Variants in MTMR7 observed in about 807,000 individuals in gnomAD.
The protein encoded by MTMR7 is phosphatidylinositol-3-phosphate phosphatase MTMR7.
Under a neutral mutation model 81.2 loss-of-function variants are expected in MTMR7, and 76 were observed. The ratio of observed to expected loss-of-function variants is 0.94; its 90% confidence interval spans 0.78 to 1.13. The LOEUF (loss-of-function observed/expected upper bound fraction) is 1.13, where lower values mean the gene tolerates loss of function less well. Among genes scored for constraint, MTMR7 ranks in the 50% most tolerant of loss-of-function variants. The probability of loss-of-function intolerance (pLI) is 0.00; values close to 1 mark genes in which losing one functional copy is unlikely to be tolerated. For synonymous variants in MTMR7, 372 were observed against 289.8 expected (o/e 1.28, Z -2.88); for missense variants, 1,044 against 820.0 (o/e 1.27, Z -3.34).
At chr8:17,356,081 C>G (rs1288763993) in intron 4 of MTMR7, among the ~76,000 whole-genome samples, 2 of 152,196 alleles carry the variant, frequency 1.3e-5, no homozygotes, top group East Asian at 3.9e-4. Flanking sequence ...CCATTACCAA[C>G]ACCACTCTAG....
intron 1 of MTMR7, among the ~76,000 whole-genome samples, chr8:17,388,655 G>A (rs1406780775): frequency 6.6e-6 from 1 of 152,160 alleles, no homozygotes; most frequent in Non-Finnish European, 1.5e-5. Context: ...AGCTCTTTGG[G>A]AACTATGGGG....
At chr8:17,335,992 G>A (rs924681020) in intron 6 of MTMR7, among the ~76,000 whole-genome samples, 5 of 152,124 alleles carry the variant, frequency 3.3e-5, no homozygotes, top group African/African-American at 1.2e-4. Context: ...GGGTGCAGAG[G>A]AGGGAGAAGA....
chr8:17,391,044 G>C (rs762112089), intron 1 of MTMR7, among the ~76,000 whole-genome samples: 1 of 152,204 alleles, frequency 6.6e-6, no homozygotes, highest in Non-Finnish European at 1.5e-5. Context: ...AGCCATGGGG[G>C]TATCTGGGGA....
intron 7 of MTMR7, among the ~76,000 whole-genome samples, chr8:17,330,814 T>C (rs1280175334): frequency 1.3e-5 from 2 of 152,190 alleles, no homozygotes; most frequent in African/African-American, 4.8e-5. Context: ...GTTATTGCTT[T>C]AAATGTAGGA....
At chr8:17,317,128 A>G (rs757560953) in intron 7 of MTMR7, among the ~76,000 whole-genome samples, 4 of 151,992 alleles carry the variant, frequency 2.6e-5, no homozygotes, top group Non-Finnish European at 5.9e-5. Flanking sequence ...GCTTGCTTAT[A>G]TGTGTGTGTG....
intron 7 of MTMR7, chr8:17,326,598 G>T (rs1437979362): frequency 6.6e-6 from 1 of 151,444 alleles, no homozygotes. Context: ...CAATTTAAAA[G>T]TGTAATACAC....
At chr8:17,341,156 T>C (rs1035372457) in intron 6 of MTMR7, among the ~76,000 whole-genome samples, 1 of 152,202 alleles carries the variant, frequency 6.6e-6, no homozygotes, top group Non-Finnish European at 1.5e-5. Flanking sequence ...AGGGGAAATA[T>C]GAAATGTACT....
At chr8:17,361,516 A>G (rs893171332) in intron 3 of MTMR7, among the ~76,000 whole-genome samples, 62 of 152,348 alleles carry the variant, frequency 4.1e-4, no homozygotes, top group African/African-American at 1.4e-3. Context: ...TTTAGAACAC[A>G]GGGACATCTC....
At chr8:17,325,624 C>A (rs1352923970) in intron 7 of MTMR7, among the ~76,000 whole-genome samples, 1 of 152,198 alleles carries the variant, frequency 6.6e-6, no homozygotes, top group Non-Finnish European at 1.5e-5. Context: ...GGCTCACTTC[C>A]CCTGCTCCAC....
intron 7 of MTMR7, among the ~76,000 whole-genome samples, chr8:17,325,079 G>A (rs1818608268): frequency 6.6e-6 from 1 of 152,044 alleles, no homozygotes; most frequent in Non-Finnish European, 1.5e-5. Context: ...ACTCCATAAA[G>A]ACATGAGGTA....
At chr8:17,337,758 G>A (rs2239877) in intron 6 of MTMR7, among the ~76,000 whole-genome samples, 10,726 of 152,182 alleles carry the variant, frequency 0.07, 721 homozygotes, top group East Asian at 0.31. Context: ...TGGGACTACA[G>A]GCCCATGCCA....
intron 1 of MTMR7, among the ~76,000 whole-genome samples, chr8:17,392,647 C>T (rs962473801): frequency 6.6e-6 from 1 of 152,174 alleles, no homozygotes; most frequent in Admixed American, 6.5e-5. Context: ...TCCTAAAATC[C>T]ATGTGTTTGA....
In MTMR7 at chr8:17,297,780, A is replaced by C. The variant is rs1212266114; in HGVS notation, c.*2082T>G. On this transcript the variant is annotated 3_prime_UTR_variant, in exon 14 of 14. Coordinates refer to ENST00000180173, the MANE Select transcript of MTMR7 (RefSeq NM_004686.5). ...TTAGCCATGCTCTGAAGAATCTGTGAAAGTACAGTAAAGTTTTAATAAGCA... is the reference window on the plus strand; with the variant it reads ...TTAGCCATGCTCTGAAGAATCTGTGCAAGTACAGTAAAGTTTTAATAAGCA... The C allele has an allele frequency of 6.6e-6, 1 of 152,038 alleles. No individual in the cohort carries two copies. The highest frequency in any genetic ancestry group is 1.5e-5 in the Non-Finnish European group (1 of 67,894). The allele number at this position is 152,038 out of a possible 1,614,324, so 9.4% of individuals were successfully genotyped here. A position where few individuals can be genotyped will look rare whatever the true frequency, so the allele number is the denominator to read the frequency against.
intron 5 of MTMR7, among the ~76,000 whole-genome samples, chr8:17,341,769 C>G (rs889050400): frequency 2.6e-5 from 4 of 152,164 alleles, no homozygotes; most frequent in African/African-American, 9.7e-5. Flanking sequence ...TATTCAAAAC[C>G]ATTTAAATAA....
At chr8:17,373,977 G>A (rs892667764) in intron 1 of MTMR7, among the ~76,000 whole-genome samples, 5 of 152,156 alleles carry the variant, frequency 3.3e-5, no homozygotes, top group Non-Finnish European at 2.9e-5. Context: ...TCTACAGAGC[G>A]AGAGAAAACT....
At chr8:17,388,560 A>C (rs1821013605) in intron 1 of MTMR7, among the ~76,000 whole-genome samples, 1 of 152,228 alleles carries the variant, frequency 6.6e-6, no homozygotes, top group African/African-American at 2.4e-5. Context: ...CTTTAACGAT[A>C]TTTCTAAAAT....
chr8:17,330,141 A>T (rs1361113717), intron 7 of MTMR7, among the ~76,000 whole-genome samples: 1 of 152,244 alleles, frequency 6.6e-6, no homozygotes, highest in Non-Finnish European at 1.5e-5. Flanking sequence ...CCTGTTTGTG[A>T]CACTCAGATT....
rs149443961 is a variant in MTMR7 at position 17,408,932 on chromosome 8, C to G, written c.24+4337G>C. On this transcript the variant is annotated intron_variant, in intron 1 of 13. Transcript: ENST00000180173. The stretch of plus-strand genomic sequence containing the variant: ...ACAATATGTAAATATACTAAAACCA[C>G]TGAATTGTGCATTTTAATAAAAATG... Among the ~76,000 whole-genome samples, 1,466 of 152,196 alleles carry G rather than the reference C, an allele frequency of 9.6e-3. 31 individuals carry two copies. Among genetic ancestry groups the G allele is most frequent in the African/African-American group, 0.032 (1,329 of 41,512 alleles).
At chr8:17,303,625 T>C (rs1455766569) in intron 12 of MTMR7, among the ~76,000 whole-genome samples, 1 of 126,314 alleles carries the variant, frequency 7.9e-6, no homozygotes, top group Non-Finnish European at 1.7e-5. Flanking sequence ...TTTTTTTTTT[T>C]TGAGATGGAG....
Sources: allele counts gnomAD v4.1 joint callset (sites outside exome capture counted in the v4.1 genomes callset), GRCh38; gene constraint gnomAD v4.1.1; transcripts MANE v1.5; gene names NCBI Gene and HGNC (gene_info 2026-07-23, HGNC 2026-07-21).